Variants in FMNL2 observed in about 807,000 individuals in gnomAD.
The protein encoded by FMNL2 is formin-like protein 2.
In FMNL2, 51 loss-of-function variants were observed where a neutral mutation model predicts 130.2. The observed-to-expected ratio is 0.39, with a 90% CI of 0.31 to 0.49. FMNL2 has a LOEUF of 0.49. Among genes scored for constraint, FMNL2 ranks in the 20% least tolerant of loss-of-function variants. FMNL2 has a pLI of 0.85. For missense variants in FMNL2, 977 were observed against 1,316.2 expected (o/e 0.74, Z 3.99); for synonymous variants, 465 against 467.1 (o/e 1.00, Z 0.06).
At chr2:152,407,325 G>A (rs10186650) in intron 1 of FMNL2, among the ~76,000 whole-genome samples, 103,867 of 151,894 alleles carry the variant, frequency 0.68, 36,301 homozygotes, top group South Asian at 0.81. Flanking sequence ...ATTAGCAGAT[G>A]CTATTTGTTT....
At chr2:152,494,805 T>G (rs578176271) in intron 1 of FMNL2, among the ~76,000 whole-genome samples, 1 of 152,240 alleles carries the variant, frequency 6.6e-6, no homozygotes, top group Admixed American at 6.5e-5. Context: ...TCAGCCTGTT[T>G]AGAAGAAGTG....
intron 1 of FMNL2, among the ~76,000 whole-genome samples, chr2:152,349,892 T>G (rs1335487529): frequency 6.6e-6 from 1 of 151,082 alleles, no homozygotes; most frequent in East Asian, 1.9e-4. Flanking sequence ...ATTCAGACAG[T>G]CCAAAAAATA....
At chr2:152,455,291 G>A (rs1010086857) in intron 1 of FMNL2, among the ~76,000 whole-genome samples, 1 of 152,184 alleles carries the variant, frequency 6.6e-6, no homozygotes, top group Non-Finnish European at 1.5e-5. Flanking sequence ...GAGGATCAAG[G>A]CCTCGAGGAG....
chr2:152,506,199 T>C lies in FMNL2; in HGVS notation c.118-15744T>C, dbSNP rs541479455. The stretch of plus-strand genomic sequence containing the variant: ...TTTGTGCATTTATTTCTCAAATCAA[T>C]GTCCAACTGTTTTAATAATTTCTCA... On this transcript the variant is annotated intron_variant, in intron 1 of 25. Coordinates refer to ENST00000288670, the MANE Select transcript of FMNL2 (RefSeq NM_052905.4). Among the ~76,000 whole-genome samples, 103 of 152,328 alleles carry C rather than the reference T, an allele frequency of 6.8e-4. 1 individual carries two copies. Among genetic ancestry groups the C allele is most frequent in the South Asian group, 2.3e-3 (11 of 4,830 alleles).
At chr2:152,434,455 A>T (rs893929921) in intron 1 of FMNL2, among the ~76,000 whole-genome samples, 12 of 152,192 alleles carry the variant, frequency 7.9e-5, no homozygotes, top group African/African-American at 2.9e-4. Context: ...TAAGAATTAG[A>T]CATTTGATCT....
intron 1 of FMNL2, among the ~76,000 whole-genome samples, chr2:152,512,583 T>C (rs1195605235): frequency 1.3e-5 from 2 of 152,208 alleles, no homozygotes; most frequent in African/African-American, 4.8e-5. Flanking sequence ...CATAAATATG[T>C]ACATAGTGAG....
chr2:152,622,824 TTTTCTTC>T, intron 15 of FMNL2, among the ~76,000 whole-genome samples: 1 of 151,182 alleles, frequency 6.6e-6, no homozygotes, highest in Admixed American at 6.6e-5. Flanking sequence ...TTTTTTTTTT[TTTTCTTC>T]TTCTTCTTTT....
chr2:152,491,818 G>C (rs539240536), intron 1 of FMNL2, among the ~76,000 whole-genome samples: 1 of 152,190 alleles, frequency 6.6e-6, no homozygotes, highest in South Asian at 2.1e-4. Flanking sequence ...TGGCGTGGTG[G>C]CGTGCACCTG....
intron 6 of FMNL2, among the ~76,000 whole-genome samples, chr2:152,570,937 C>T (rs1259438959): frequency 6.6e-6 from 1 of 152,162 alleles, no homozygotes; most frequent in Non-Finnish European, 1.5e-5. Flanking sequence ...TTTCAGAACT[C>T]TAGAAATTAA....
intron 9 of FMNL2, among the ~76,000 whole-genome samples, chr2:152,599,986 A>T (rs758063572): frequency 4.6e-5 from 7 of 152,344 alleles, no homozygotes; most frequent in Middle Eastern, 3.4e-3. Flanking sequence ...ATAACAGACC[A>T]TTGACAGCCA....
At chr2:152,419,257 G>C (rs1686779520) in intron 1 of FMNL2, among the ~76,000 whole-genome samples, 1 of 152,118 alleles carries the variant, frequency 6.6e-6, no homozygotes, top group East Asian at 1.9e-4. Context: ...ATTAAATCAA[G>C]CTACCTAACC....
intron 16 of FMNL2, 110 bp downstream of exon 16, chr2:152,625,672 C>A: frequency 7.9e-7 from 1 of 1,264,764 alleles, no homozygotes. Context: ...GTTTTAAGTC[C>A]CCTGATGTAA....
intron 5 of FMNL2, among the ~76,000 whole-genome samples, chr2:152,560,589 T>TTA (rs1491145840): frequency 6.6e-6 from 1 of 152,220 alleles, no homozygotes; most frequent in African/African-American, 2.4e-5. Flanking sequence ...TGTTAGTGAC[T>TTA]TATATATTAG....
intron 1 of FMNL2, among the ~76,000 whole-genome samples, chr2:152,493,441 G>A (rs761981423): frequency 3.3e-5 from 5 of 152,150 alleles, no homozygotes; most frequent in Non-Finnish European, 7.4e-5. Flanking sequence ...TAATATGAGC[G>A]GTGTTGTAGT....
chr2:152,569,876 T>G (rs1033783341), intron 6 of FMNL2, among the ~76,000 whole-genome samples: 16 of 151,060 alleles, frequency 1.1e-4, no homozygotes, highest in African/African-American at 3.9e-4. Flanking sequence ...CTTGGCATGG[T>G]GGCACATGCC....
intron 21 of FMNL2, 64 bp from the exon 22 acceptor site, chr2:152,636,363 C>T (rs1254361251): frequency 2.0e-6 from 3 of 1,523,670 alleles, no homozygotes; most frequent in Admixed American, 2.0e-5. Context: ...GGCCCAGCAG[C>T]CAGATTCGCT....
intron 1 of FMNL2, among the ~76,000 whole-genome samples, chr2:152,516,796 G>A (rs1369056601): frequency 6.6e-6 from 1 of 152,140 alleles, no homozygotes; most frequent in East Asian, 1.9e-4. Context: ...ATTCTGTTCT[G>A]TGTTGTGTAT....
intron 1 of FMNL2, among the ~76,000 whole-genome samples, chr2:152,397,208 T>G (rs984159561): frequency 4.6e-5 from 7 of 152,206 alleles, no homozygotes; most frequent in Non-Finnish European, 8.8e-5. Flanking sequence ...AATCTTTTTT[T>G]TTCCCATTAA....
intron 23 of FMNL2, among the ~76,000 whole-genome samples, chr2:152,638,118 G>T (rs575238236): frequency 6.6e-6 from 1 of 152,374 alleles, no homozygotes; most frequent in African/African-American, 2.4e-5. Flanking sequence ...TCTTAGACCA[G>T]CATTTCTCTA....
Sources: gnomAD v4.1 joint callset for allele counts (sites outside exome capture counted in the v4.1 genomes callset) on GRCh38, gnomAD v4.1.1 for gene constraint, MANE v1.5 for transcripts, NCBI Gene and HGNC (gene_info 2026-07-23, HGNC 2026-07-21) for gene names.